LAMA2: variants seen among roughly 807,000 people sequenced by gnomAD.
The protein encoded by LAMA2 is laminin subunit alpha 2.
LAMA2 carries 269 observed loss-of-function variants against 364.8 expected under a neutral mutation model. The observed-to-expected ratio is 0.74, with a 90% CI of 0.67 to 0.82. The LOEUF is 0.82. Among genes scored for constraint, LAMA2 ranks in the 40% least tolerant of loss-of-function variants. The probability of loss-of-function intolerance (pLI) is 0.00; values close to 1 mark genes in which losing one functional copy is unlikely to be tolerated. For synonymous variants in LAMA2, 1,379 were observed against 1,370.6 expected (o/e 1.01, Z -0.14); for missense variants, 3,807 against 3,873.2 (o/e 0.98, Z 0.45).
intron 4 of LAMA2, among the ~76,000 whole-genome samples, chr6:129,143,595 T>C (rs1778253632): frequency 2.0e-5 from 3 of 152,046 alleles, no homozygotes; most frequent in African/African-American, 7.2e-5. Context: ...GAAAGAATGA[T>C]TAAGAATTTA....
At chr6:129,251,040 TTCTCTCTCTC>T (rs66896334) in intron 13 of LAMA2, among the ~76,000 whole-genome samples, 37 of 61,674 alleles carry the variant, frequency 6.0e-4, no homozygotes, top group African/African-American at 1.9e-3. Context: ...GTCTCTCTCT[TTCTCTCTCTC>T]TCTCTCTCTC....
intron 21 of LAMA2, 112 bp from the exon 22 acceptor site, chr6:129,300,624 G>A: frequency 9.5e-7 from 1 of 1,053,976 alleles, no homozygotes; most frequent in East Asian, 2.4e-5. Flanking sequence ...ATATCCTTAA[G>A]TGTAGAACTG....
At chr6:129,207,174 G>A (rs569641630) in intron 12 of LAMA2, among the ~76,000 whole-genome samples, 2 of 152,228 alleles carry the variant, frequency 1.3e-5, no homozygotes, top group South Asian at 2.1e-4. Flanking sequence ...CCAAAGAAAC[G>A]GGCCCTTCTT....
chr6:129,290,942 G>C (rs554135828), intron 19 of LAMA2, among the ~76,000 whole-genome samples: 3 of 152,128 alleles, frequency 2.0e-5, no homozygotes, highest in Admixed American at 1.3e-4. Context: ...TGATGTTTTT[G>C]TTGTCTTTTA....
At chr6:129,478,481 AC>A (rs1349302315) in intron 53 of LAMA2, among the ~76,000 whole-genome samples, 1 of 152,184 alleles carries the variant, frequency 6.6e-6, no homozygotes, top group Non-Finnish European at 1.5e-5. Flanking sequence ...GAGAAGGACT[AC>A]AAAAAGACTC....
chr6:129,450,084 G>A lies in LAMA2; in HGVS notation c.6430-2904G>A, dbSNP rs946979868. Among the ~76,000 whole-genome samples the A allele has an allele frequency of 4.6e-5, 7 of 151,628 alleles. 1 individual carries two copies. The highest frequency in any genetic ancestry group is 4.2e-4 in the South Asian group (2 of 4,802). On this transcript the variant is annotated intron_variant, in intron 45 of 64. Transcript: ENST00000421865. ...CTCCCAAAGTTCTGGGATTACAGGC[G>A]TGAGCCACTGCACCCGGCTCTGTCT...
At chr6:129,170,852 G>A (rs1191645127) in intron 9 of LAMA2, among the ~76,000 whole-genome samples, 2 of 148,842 alleles carry the variant, frequency 1.3e-5, no homozygotes, top group Admixed American at 6.7e-5. Flanking sequence ...ATGAATCTGG[G>A]TGCTCCTGTA....
intron 29 of LAMA2, among the ~76,000 whole-genome samples, chr6:129,332,377 A>G (rs1005237525): frequency 4.6e-5 from 7 of 152,088 alleles, no homozygotes; most frequent in African/African-American, 1.7e-4. Flanking sequence ...TCTTATTACA[A>G]TGTTCTGCTT....
intron 50 of LAMA2, among the ~76,000 whole-genome samples, chr6:129,464,774 A>G (rs1783453947): frequency 6.6e-6 from 1 of 151,906 alleles, no homozygotes; most frequent in Non-Finnish European, 1.5e-5. Context: ...TCTTTCAGAG[A>G]CCTGAGTTGA....
At chr6:129,206,808 G>A (rs1045509085) in intron 12 of LAMA2, among the ~76,000 whole-genome samples, 7 of 152,182 alleles carry the variant, frequency 4.6e-5, no homozygotes, top group African/African-American at 1.7e-4. Context: ...ATGTGATAGG[G>A]CCTCCAACTG....
chr6:128,955,690 A>G (rs2114579442), intron 1 of LAMA2, among the ~76,000 whole-genome samples: 1 of 151,994 alleles, frequency 6.6e-6, no homozygotes, highest in Non-Finnish European at 1.5e-5. Flanking sequence ...AAATAAGTCA[A>G]TCTATCATTG....
intron 4 of LAMA2, among the ~76,000 whole-genome samples, chr6:129,142,681 A>G (rs901991194): frequency 1.3e-5 from 2 of 151,972 alleles, no homozygotes; most frequent in African/African-American, 4.8e-5. Context: ...TTACTGCTCA[A>G]TTGACTTTCT....
chr6:129,058,872 G>C (rs1788679858), intron 2 of LAMA2, among the ~76,000 whole-genome samples: 1 of 152,190 alleles, frequency 6.6e-6, no homozygotes, highest in African/African-American at 2.4e-5. Context: ...CTTCTTCACG[G>C]GGGAGGGAAG....
At chr6:129,387,350 A>C (rs1036716128) in intron 35 of LAMA2, among the ~76,000 whole-genome samples, 1 of 152,226 alleles carries the variant, frequency 6.6e-6, no homozygotes, top group Non-Finnish European at 1.5e-5. Context: ...CAAAACCACA[A>C]TGAGATAACA....
At chr6:128,910,045 G>C (rs1006242768) in intron 1 of LAMA2, among the ~76,000 whole-genome samples, 2 of 151,916 alleles carry the variant, frequency 1.3e-5, no homozygotes, top group East Asian at 1.9e-4. Context: ...GGTAACCCGT[G>C]CTTTCTCTCT....
intron 52 of LAMA2, 49 bp downstream of exon 52, chr6:129,473,401 CCACTATGCT>C: frequency 6.5e-7 from 1 of 1,536,300 alleles, no homozygotes; most frequent in Non-Finnish European, 9.0e-7. Context: ...AATTAAATGA[CCACTATGCT>C]CACTAGAGTT....
At chr6:129,265,349 G>A (rs1008705848) in intron 15 of LAMA2, among the ~76,000 whole-genome samples, 3 of 152,104 alleles carry the variant, frequency 2.0e-5, no homozygotes, top group South Asian at 2.1e-4. Context: ...GAAAGAAGAC[G>A]TGGTATGAGT....
intron 4 of LAMA2, among the ~76,000 whole-genome samples, chr6:129,108,648 A>C (rs1775970184): frequency 6.6e-6 from 1 of 152,152 alleles, no homozygotes. Context: ...TTTCCCTTCA[A>C]TACTAAATCC....
At chr6:129,478,156 A>ACTT (rs1784169626) in intron 53 of LAMA2, among the ~76,000 whole-genome samples, 1 of 152,112 alleles carries the variant, frequency 6.6e-6, no homozygotes, top group Non-Finnish European at 1.5e-5. Flanking sequence ...TGTTTCTTGG[A>ACTT]CTTTGTTTTA....
Sources: gnomAD v4.1 joint callset for allele counts (sites outside exome capture counted in the v4.1 genomes callset) on GRCh38, gnomAD v4.1.1 for gene constraint, MANE v1.5 for transcripts, NCBI Gene and HGNC (gene_info 2026-07-23, HGNC 2026-07-21) for gene names.